The following TGFBR1 variants were observed in gnomAD, a reference collection of about 807,000 sequenced individuals.
TGFBR1 encodes the protein transforming growth factor beta receptor 1, also known as TGF-beta receptor type-1.
A neutral mutation model predicts 55.1 loss-of-function variants in TGFBR1; 20 were observed. That is an observed-to-expected ratio of 0.36 (90% CI 0.26 to 0.53). The LOEUF is 0.53. Among genes scored for constraint, TGFBR1 ranks in the 20% least tolerant of loss-of-function variants. TGFBR1 has a pLI of 0.91. For missense variants in TGFBR1, 385 were observed against 617.6 expected, an observed-to-expected ratio of 0.62 and a Z score of 3.99; for synonymous variants, 220 against 214.8, an observed-to-expected ratio of 1.02 and a Z score of -0.21.
chr9:99,143,432 C>T (rs947818212), intron 5 of TGFBR1, among the ~76,000 whole-genome samples: 5 of 152,160 alleles, frequency 3.3e-5, no homozygotes, highest in African/African-American at 1.2e-4. Flanking sequence ...GATAGTTTTA[C>T]AGTTGAAAAA....
intron 8 of TGFBR1, among the ~76,000 whole-genome samples, chr9:99,148,095 C>T (rs183247651): frequency 5.3e-5 from 8 of 152,264 alleles, no homozygotes; most frequent in East Asian, 1.9e-4. Flanking sequence ...AGACAGTTAC[C>T]GGACATGAAT....
chr9:99,132,636 A>T lies in TGFBR1; in HGVS notation c.471A>T (p.Arg157=), dbSNP rs1827275983. ...ICHNRTVIHH[R]VPNEEDPSLD... is the part of the protein sequence containing the mutation. ...ACAACCGCACTGTCATTCACCATCG[A>T]GTGCCAAATGAAGAGGACCCTTCAT... The change falls in exon 3 of 9, where the codon CGA becomes CGT. Residue 157 remains arginine (R), a synonymous_variant. Coordinates refer to ENST00000374994, the MANE Select transcript of TGFBR1 (RefSeq NM_004612.4). 6.2e-7 allele frequency: 1 copy of T among 1,614,010 alleles called. No homozygotes were observed. Among genetic ancestry groups the T allele is most frequent in the Admixed American group, 1.7e-5 (1 of 59,998 alleles).
chr9:99,107,240 C>T (rs990417501), intron 1 of TGFBR1, among the ~76,000 whole-genome samples: 1 of 152,174 alleles, frequency 6.6e-6, no homozygotes, highest in South Asian at 2.1e-4. Context: ...TGCCTCAGTC[C>T]ACCCTTAAAA....
chr9:99,105,426 C>T (rs1273733012), intron 1 of TGFBR1, 124 bp downstream of exon 1: 9 of 847,124 alleles, frequency 1.1e-5, no homozygotes, highest in Non-Finnish European at 1.3e-5. Flanking sequence ...CGCCGGGGCC[C>T]GGGCCGGGCT....
intron 1 of TGFBR1, among the ~76,000 whole-genome samples, chr9:99,120,083 A>C (rs1029859545): frequency 8.5e-5 from 13 of 152,236 alleles, no homozygotes; most frequent in African/African-American, 3.1e-4. Flanking sequence ...ATTAACCCTC[A>C]AACCTTCTGA....
Position 99,142,667 on chromosome 9 carries a change from C to G in TGFBR1, c.937C>G (p.Leu313Val). The change falls in exon 5 of 9, where the codon CTT (leucine) becomes GTT (valine). Residue 313 changes from leucine (L) to valine (V), a missense_variant. By Grantham distance (32) the Leu-to-Val change is conservative. Coordinates refer to ENST00000374994, the MANE Select transcript of TGFBR1 (RefSeq NM_004612.4). ...ACTTGCTCTGTCCACGGCGAGCGGT[C>G]TTGCCCATCTTCACATGGAGATTGT... ...IKLALSTASGLAHLHMEIVGT... is the reference protein window; with the variant it reads ...IKLALSTASGVAHLHMEIVGT... 2 of 1,614,080 alleles carry G rather than the reference C, an allele frequency of 1.2e-6. No individual in the cohort carries two copies. Among genetic ancestry groups the G allele is most frequent in the Non-Finnish European group, 1.7e-6 (2 of 1,179,950 alleles).
chr9:99,105,978 A>G (rs1399482274), intron 1 of TGFBR1, among the ~76,000 whole-genome samples: 2 of 152,246 alleles, frequency 1.3e-5, no homozygotes, highest in Admixed American at 6.5e-5. Context: ...GAGAAGAAGG[A>G]AGCGCGGAGA....
intron 5 of TGFBR1, among the ~76,000 whole-genome samples, chr9:99,143,719 C>CA (rs11568789): frequency 0.016 from 2,443 of 152,224 alleles, 69 homozygotes; most frequent in African/African-American, 0.056. Context: ...TTAGAATACT[C>CA]AGAGTTGTAC....
At position 99,132,367 on chromosome 9, in the gene TGFBR1, G is replaced by A. The variant is rs72739278; in HGVS notation, c.344-142G>A. ...TTCACTTGTTCTGGGTTTGAGCCCTGTAAACTGCTGTAATGAGGCTCTTTG... is the reference window on the plus strand; with the variant it reads ...TTCACTTGTTCTGGGTTTGAGCCCTATAAACTGCTGTAATGAGGCTCTTTG... On this transcript the variant is annotated intron_variant, in intron 2 of 8. Coordinates refer to ENST00000374994, the MANE Select transcript of TGFBR1 (RefSeq NM_004612.4). 5.6e-3 allele frequency: 8,035 copies of A among 1,424,698 alleles called. 42 individuals carry two copies. The highest frequency in any genetic ancestry group is 6.2e-3 in the Non-Finnish European group (6,454 of 1,046,780). 88.3% of individuals were successfully genotyped at this position (1,424,698 alleles called of 1,614,324 possible). A position where few individuals can be genotyped will look rare whatever the true frequency, so the allele number is the denominator to read the frequency against.
At chr9:99,132,430 A>T (rs1008662728) in intron 2 of TGFBR1, 79 bp from the exon 3 acceptor site, 1 of 1,592,700 alleles carries the variant, frequency 6.3e-7, no homozygotes. Flanking sequence ...GGAATTGTGT[A>T]GGATTGGGAA....
At chr9:99,115,120 T>C (rs1408178288) in intron 1 of TGFBR1, among the ~76,000 whole-genome samples, 4 of 152,210 alleles carry the variant, frequency 2.6e-5, no homozygotes, top group Admixed American at 1.3e-4. Flanking sequence ...TAGAAGTCTT[T>C]GTACATGGGC....
intron 1 of TGFBR1, among the ~76,000 whole-genome samples, chr9:99,106,568 C>A (rs1378751001): frequency 1.3e-5 from 2 of 152,154 alleles, no homozygotes; most frequent in Non-Finnish European, 2.9e-5. Flanking sequence ...CACAAGTAAA[C>A]TCCCAGGAGT....
chr9:99,149,080 G>A (rs1827892552), intron 8 of TGFBR1, 100 bp from the exon 9 acceptor site: 1 of 1,220,770 alleles, frequency 8.2e-7, no homozygotes, highest in Non-Finnish European at 1.2e-6. Context: ...AATAACAAGT[G>A]TATATGTCAT....
intron 5 of TGFBR1, among the ~76,000 whole-genome samples, chr9:99,143,623 A>G (rs1474451370): frequency 2.0e-5 from 3 of 152,102 alleles, no homozygotes; most frequent in South Asian, 2.1e-4. Flanking sequence ...CTTTGTAGTT[A>G]TTATTATTAT....
intron 1 of TGFBR1, among the ~76,000 whole-genome samples, chr9:99,109,379 C>T (rs527826758): frequency 4.9e-4 from 75 of 152,046 alleles, no homozygotes; most frequent in South Asian, 2.1e-3. Context: ...TTAGATGATC[C>T]GCTTTGTTGT....
Position 99,152,152 on chromosome 9 carries a change from GAGTAAAA to G in TGFBR1, c.*2848_*2854del, listed in dbSNP as rs1827996745. 1 of 207,058 alleles carries G rather than the reference GAGTAAAA, an allele frequency of 4.8e-6. No homozygotes were observed. The highest frequency in any genetic ancestry group is 9.8e-6 in the Non-Finnish European group (1 of 101,530). The allele number at this position is 207,058 out of a possible 1,614,324, so 12.8% of individuals were successfully genotyped here. A position where few individuals can be genotyped will look rare whatever the true frequency, so the allele number is the denominator to read the frequency against. On this transcript the variant is annotated 3_prime_UTR_variant, in exon 9 of 9. Transcript: ENST00000374994. ...GACTGAAGGCTGCTCTGGAGACCTA[GAGTAAAA>G]CGGCTGATGGAAGTTGTGGGACCCA...
chr9:99,135,496 G>T (rs1253364339), intron 3 of TGFBR1, among the ~76,000 whole-genome samples: 1 of 152,238 alleles, frequency 6.6e-6, no homozygotes, highest in Non-Finnish European at 1.5e-5. Context: ...GAAAGGCCCT[G>T]TCTCTACCTC....
rs199978072 is a variant in TGFBR1 at position 99,150,408 on chromosome 9, G to C, written c.*1103G>C. Reference sequence around the variant, plus strand: ...CCATTTTTTTCTTTATCTGTTCAAAGACTTATTTTTTAAGACATGAATTAC... The same window carrying C: ...CCATTTTTTTCTTTATCTGTTCAAACACTTATTTTTTAAGACATGAATTAC... On this transcript the variant is annotated 3_prime_UTR_variant, in exon 9 of 9. Coordinates refer to ENST00000374994, the MANE Select transcript of TGFBR1 (RefSeq NM_004612.4). The C allele has an allele frequency of 1.9e-5, 4 of 210,414 alleles. 1 individual carries two copies. Among genetic ancestry groups the C allele is most frequent in the African/African-American group, 9.1e-5 (4 of 44,084 alleles). The allele number at this position is 210,414 out of a possible 1,614,324, so 13.0% of individuals were successfully genotyped here.
intron 1 of TGFBR1, among the ~76,000 whole-genome samples, chr9:99,116,281 G>A (rs1826736667): frequency 6.6e-6 from 1 of 152,146 alleles, no homozygotes; most frequent in African/African-American, 2.4e-5. Flanking sequence ...GAAGGGAAAG[G>A]AGGGAGGAGT....
Sources: allele counts gnomAD v4.1 joint callset (sites outside exome capture counted in the v4.1 genomes callset), GRCh38; gene constraint gnomAD v4.1.1; transcripts MANE v1.5; gene names NCBI Gene and HGNC (gene_info 2026-07-23, HGNC 2026-07-21).